Variants in MTHFD1 observed in about 807,000 individuals in gnomAD.
MTHFD1 encodes the protein methylenetetrahydrofolate dehydrogenase, cyclohydrolase and formyltetrahydrofolate synthetase 1.
MTHFD1 carries 44 observed loss-of-function variants against 110.3 expected under a neutral mutation model. That is an observed-to-expected ratio of 0.40 (90% CI 0.31 to 0.51). MTHFD1 has a LOEUF of 0.51. MTHFD1 is among the 20% of genes least tolerant of loss of function. The pLI is 0.60. For synonymous variants in MTHFD1, 402 were observed against 428.8 expected (o/e 0.94, Z 0.77); for missense variants, 909 against 1,173.1 (o/e 0.77, Z 3.29).
At chr14:64,454,966 A>G (rs2078445060) in intron 26 of MTHFD1, 91 bp downstream of exon 26, 1 of 1,319,574 alleles carries the variant, frequency 7.6e-7, no homozygotes, top group Admixed American at 1.7e-5. Context: ...CCAAGTGAGC[A>G]GAGTTCACTG....
chr14:64,459,423 C>T (rs2078526867), intron 27 of MTHFD1, among the ~76,000 whole-genome samples: 1 of 152,132 alleles, frequency 6.6e-6, no homozygotes, highest in African/African-American at 2.4e-5. Flanking sequence ...AAAACAAAAG[C>T]TCTTGCATTA....
At chr14:64,418,402 G>A (rs1467903997) in intron 7 of MTHFD1, among the ~76,000 whole-genome samples, 1 of 141,042 alleles carries the variant, frequency 7.1e-6, no homozygotes, top group African/African-American at 2.6e-5. Flanking sequence ...AGTAAGCTAC[G>A]ATCACACCAC....
rs760398670 is a variant in MTHFD1 at position 64,430,220 on chromosome 14, C to A, written c.1301C>A (p.Pro434His). Residue 434 changes from proline to histidine, a missense_variant, in exon 13 of 28, where the codon CCT (proline) becomes CAT (histidine). Transcript: ENST00000652337. ...GGAGGCGGCTACTCCCAGGTCATTCCTATGGAAGAGGTAAAGTATTCTGGG... is the reference window on the plus strand; with the variant it reads ...GGAGGCGGCTACTCCCAGGTCATTCATATGGAAGAGGTAAAGTATTCTGGG... The part of the protein sequence containing the change: ...AAGGGYSQVI[P>H]MEEFNLHLTG... 1 of 1,613,560 alleles carries A rather than the reference C, an allele frequency of 6.2e-7. No individual in the cohort carries two copies. The highest frequency in any genetic ancestry group is 2.2e-5 in the East Asian group (1 of 44,882).
intron 8 of MTHFD1, among the ~76,000 whole-genome samples, chr14:64,421,527 T>C (rs752699793): frequency 6.6e-6 from 1 of 152,258 alleles, no homozygotes; most frequent in Non-Finnish European, 1.5e-5. Context: ...TGTAATTATC[T>C]AACAGGCGAT....
At chr14:64,421,243 C>G (rs959738586) in intron 8 of MTHFD1, among the ~76,000 whole-genome samples, 1 of 152,166 alleles carries the variant, frequency 6.6e-6, no homozygotes, top group Non-Finnish European at 1.5e-5. Flanking sequence ...CCTGTGCTCT[C>G]CTGCCTAGAT....
At chr14:64,453,978 C>G in intron 25 of MTHFD1, 117 bp downstream of exon 25, 1 of 714,686 alleles carries the variant, frequency 1.4e-6, no homozygotes, top group East Asian at 2.7e-5. Context: ...TGGGTGGCAG[C>G]CTTCTCTCCT....
chr14:64,416,219 TGGGC>T (rs1290970084), intron 6 of MTHFD1, among the ~76,000 whole-genome samples: 1 of 152,086 alleles, frequency 6.6e-6, no homozygotes, highest in Non-Finnish European at 1.5e-5. Flanking sequence ...CACTCCAGCC[TGGGC>T]AACAGAGCGA....
At chr14:64,409,311 T>C (rs1279890970) in intron 2 of MTHFD1, among the ~76,000 whole-genome samples, 2 of 152,202 alleles carry the variant, frequency 1.3e-5, no homozygotes, top group Admixed American at 1.3e-4. Flanking sequence ...CATGTCCACC[T>C]ACCTTTCCTG....
At position 64,454,766 on chromosome 14, in the gene MTHFD1, CTT is replaced by C. The variant is rs761494970; in HGVS notation, c.2611_2612del (p.Leu871ValfsTer50). 6.2e-7 allele frequency: 1 copy of C among 1,613,996 alleles called. No individual in the cohort carries two copies. The highest frequency in any genetic ancestry group is 8.5e-7 in the Non-Finnish European group (1 of 1,179,860). ...ATCTGCATGGCTAAAACACACTTGT[CTT>C]TGTCTCACAACCCAGAGCAAAAAGG... On this transcript the variant is annotated frameshift_variant, in exon 26 of 28. Coordinates refer to ENST00000652337, the MANE Select transcript of MTHFD1 (RefSeq NM_005956.4). LOFTEE classifies it high-confidence loss of function.
chr14:64,388,867 A>C (rs1220479577), intron 1 of MTHFD1: 2 of 340,408 alleles, frequency 5.9e-6, no homozygotes, highest in African/African-American at 2.1e-5. Context: ...AGGCTTGACA[A>C]GACTACAAGG....
intron 6 of MTHFD1, among the ~76,000 whole-genome samples, chr14:64,416,672 T>G (rs2078028855): frequency 6.6e-6 from 1 of 152,240 alleles, no homozygotes; most frequent in African/African-American, 2.4e-5. Flanking sequence ...GAAAATTTTC[T>G]GTGGTTGGCA....
At position 64,441,454 on chromosome 14, in the gene MTHFD1, G is replaced by A. The variant is rs1011849973; in HGVS notation, c.1884+1G>A. On this transcript the variant is annotated splice_donor_variant, in intron 19 of 27. Transcript: ENST00000652337. LOFTEE classifies it high-confidence loss of function. ...GCCCAATCTCATGCAGACACTGGAG[G>A]TGAGCAGAGTGACTCCTGCCTTCTT... 1 of 1,613,916 alleles carries A rather than the reference G, an allele frequency of 6.2e-7. No individual in the cohort carries two copies. Among genetic ancestry groups the A allele is most frequent in the Non-Finnish European group, 8.5e-7 (1 of 1,179,836 alleles).
chr14:64,438,990 A>G, intron 16 of MTHFD1, 106 bp from the exon 17 acceptor site: 1 of 812,968 alleles, frequency 1.2e-6, no homozygotes, highest in Non-Finnish European at 2.2e-6. Flanking sequence ...TGAAATATTG[A>G]TAGACAATCA....
intron 24 of MTHFD1, among the ~76,000 whole-genome samples, chr14:64,451,947 A>G (rs1469580233): frequency 6.6e-6 from 1 of 152,186 alleles, no homozygotes; most frequent in African/African-American, 2.4e-5. Context: ...ATAAATTATC[A>G]TTGTTTAGTT....
chr14:64,430,644 A>G (rs1297480283), intron 13 of MTHFD1, among the ~76,000 whole-genome samples: 1 of 152,130 alleles, frequency 6.6e-6, no homozygotes, highest in Non-Finnish European at 1.5e-5. Context: ...CCTTTTTTGT[A>G]GAGCTCTTAG....
At chr14:64,389,640 C>T (rs1753437658) in intron 1 of MTHFD1, among the ~76,000 whole-genome samples, 1 of 151,434 alleles carries the variant, frequency 6.6e-6, no homozygotes. Flanking sequence ...ACCTGGGGGG[C>T]AGAGGTTGCA....
intron 2 of MTHFD1, among the ~76,000 whole-genome samples, chr14:64,403,393 G>A (rs1468609189): frequency 2.0e-5 from 3 of 151,932 alleles, no homozygotes; most frequent in East Asian, 3.9e-4. Flanking sequence ...TCATGCCTCA[G>A]CCTCTGGAGT....
Position 64,427,218 on chromosome 14 carries a change from A to G in MTHFD1, c.1128-119A>G. On this transcript the variant is annotated intron_variant, in intron 11 of 27. Coordinates refer to ENST00000652337, the MANE Select transcript of MTHFD1 (RefSeq NM_005956.4). Reference sequence around the variant, plus strand: ...CTACAGGCATACACTGCTATGCCTGACTTTGTCTTTCTTAATCTTTAGATT... The same window carrying G: ...CTACAGGCATACACTGCTATGCCTGGCTTTGTCTTTCTTAATCTTTAGATT... 2 of 1,215,480 alleles carry G rather than the reference A, an allele frequency of 1.6e-6. 1 individual carries two copies. Among genetic ancestry groups the G allele is most frequent in the Non-Finnish European group, 2.4e-6 (2 of 848,074 alleles). The allele number at this position is 1,215,480 out of a possible 1,614,324, so 75.3% of individuals were successfully genotyped here.
At chr14:64,422,882 G>A (rs1256635500) in intron 8 of MTHFD1, 2 of 152,140 alleles carry the variant, frequency 1.3e-5, no homozygotes, top group African/African-American at 4.8e-5. Context: ...TGCATGTTTA[G>A]CAGTGTCTCG....
Sources: allele counts gnomAD v4.1 joint callset (sites outside exome capture counted in the v4.1 genomes callset), GRCh38; gene constraint gnomAD v4.1.1; transcripts MANE v1.5; gene names NCBI Gene and HGNC (gene_info 2026-07-23, HGNC 2026-07-21).